The following TLL1 variants were observed in gnomAD, a reference collection of about 807,000 sequenced individuals.
The protein encoded by TLL1 is tolloid-like protein 1.
Under a neutral mutation model 128.2 loss-of-function variants are expected in TLL1, and 49 were observed. The observed-to-expected ratio is 0.38, with a 90% CI of 0.30 to 0.48. TLL1 has a LOEUF of 0.48. Ranked by LOEUF, TLL1 falls within the 20% of genes least tolerant of loss-of-function variation. TLL1 has a pLI of 0.96. For missense variants in TLL1, 1,123 were observed against 1,242.0 expected (o/e 0.90, Z 1.44); for synonymous variants, 454 against 418.8 (o/e 1.08, Z -1.03).
At chr4:166,000,664 A>G (rs1737106703) in intron 5 of TLL1, among the ~76,000 whole-genome samples, 1 of 152,182 alleles carries the variant, frequency 6.6e-6, no homozygotes, top group East Asian at 1.9e-4. Context: ...TTTCCTTACT[A>G]TTGACTTAAG....
At chr4:165,916,236 T>A (rs1732770321) in intron 1 of TLL1, among the ~76,000 whole-genome samples, 1 of 152,202 alleles carries the variant, frequency 6.6e-6, no homozygotes, top group South Asian at 2.1e-4. Context: ...TCTTACTTAT[T>A]TCTTATAAAG....
intron 8 of TLL1, among the ~76,000 whole-genome samples, chr4:166,017,299 T>C (rs1737993025): frequency 6.6e-6 from 1 of 152,122 alleles, no homozygotes; most frequent in Non-Finnish European, 1.5e-5. Context: ...TAGTATTTCA[T>C]GGTATGTATG....
chr4:166,094,535 G>A (rs1022369711), intron 19 of TLL1, among the ~76,000 whole-genome samples: 4 of 152,076 alleles, frequency 2.6e-5, no homozygotes, highest in African/African-American at 7.2e-5. Context: ...TAGGCAAAAC[G>A]GGCCATGGAT....
chr4:165,986,572 G>T (rs560463503), intron 1 of TLL1, among the ~76,000 whole-genome samples: 2 of 152,110 alleles, frequency 1.3e-5, no homozygotes, highest in East Asian at 3.9e-4. Flanking sequence ...GCAATTTATG[G>T]TGTATTCATC....
chr4:165,920,342 T>C (rs1472208808), intron 1 of TLL1, among the ~76,000 whole-genome samples: 4 of 152,242 alleles, frequency 2.6e-5, no homozygotes, highest in Non-Finnish European at 5.9e-5. Flanking sequence ...ACTTTGAGAA[T>C]AGTTTTAATT....
In TLL1 at chr4:166,001,758, G is replaced by A. The variant is rs78520313; in HGVS notation, c.633-1633G>A. On this transcript the variant is annotated intron_variant, in intron 5 of 20. Coordinates refer to ENST00000061240, the MANE Select transcript of TLL1 (RefSeq NM_012464.5). Reference sequence around the variant, plus strand: ...TTTGCAGTGGGCCGATTGTGCCACTGCACACCAGCCTGGGTGACAAAGCAA... The same window carrying A: ...TTTGCAGTGGGCCGATTGTGCCACTACACACCAGCCTGGGTGACAAAGCAA... Among the ~76,000 whole-genome samples the A allele has an allele frequency of 1.8e-3, 269 of 148,074 alleles. 3 individuals carry two copies. In the East Asian group the frequency reaches 0.05, roughly 27 times the overall value.
chr4:166,074,893 C>G lies in TLL1; in HGVS notation c.2204C>G (p.Ser735Cys). ...TCTTTGCTAGACAAAGATGAATGCTCTAAGGATAATGGTGGATGTCAGCAC... is the reference window on the plus strand; with the variant it reads ...TCTTTGCTAGACAAAGATGAATGCTGTAAGGATAATGGTGGATGTCAGCAC... ...AHFFSDKDEC[S>C]KDNGGCQHEC... is the part of the protein sequence containing the mutation. Residue 735 changes from serine to cysteine, a missense_variant, in exon 17 of 21, where the codon TCT becomes TGT. Around this residue, in one of 3 missense-constraint regions of TLL1, gnomAD observed 634 missense variants for 672.4 expected, o/e 0.94. Coordinates refer to ENST00000061240, the MANE Select transcript of TLL1 (RefSeq NM_012464.5). 1.2e-6 allele frequency: 2 copies of G among 1,613,412 alleles called. No individual in the cohort carries two copies. The highest frequency in any genetic ancestry group is 2.2e-5 in the East Asian group (1 of 44,780).
chr4:166,003,095 CATG>C (rs1442077202), intron 5 of TLL1, among the ~76,000 whole-genome samples: 1 of 152,034 alleles, frequency 6.6e-6, no homozygotes, highest in Non-Finnish European at 1.5e-5. Context: ...GTGTCATCAC[CATG>C]ATAATTAGTT....
chr4:166,074,966 A>G lies in TLL1; in HGVS notation c.2277A>G (p.Gly759=), dbSNP rs1255309664. ...MGSYMCQCRN[G]FVLHDNKHDC... ...GCTACATGTGTCAATGCCGTAATGGATTTGTGCTACATGACAATAAACATG... is the reference window on the plus strand; with the variant it reads ...GCTACATGTGTCAATGCCGTAATGGGTTTGTGCTACATGACAATAAACATG... The change falls in exon 17 of 21, where the codon GGA becomes GGG. Residue 759 remains glycine (G), a synonymous_variant. Transcript: ENST00000061240. 6.2e-7 allele frequency: 1 copy of G among 1,613,670 alleles called. No individual in the cohort carries two copies. Among genetic ancestry groups the G allele is most frequent in the South Asian group, 1.1e-5 (1 of 91,080 alleles).
At chr4:165,906,072 A>G (rs747149828) in intron 1 of TLL1, among the ~76,000 whole-genome samples, 2 of 152,188 alleles carry the variant, frequency 1.3e-5, no homozygotes, top group East Asian at 3.9e-4. Flanking sequence ...TAAAAGTTTC[A>G]TTAAAAAAAG....
intron 19 of TLL1, among the ~76,000 whole-genome samples, chr4:166,098,334 CAAAAA>C (rs3047106): frequency 0.019 from 2,045 of 110,354 alleles, 38 homozygotes; most frequent in African/African-American, 0.063. Context: ...GAGTTCTTCT[CAAAAA>C]AAAAAAAAAA....
In TLL1 at chr4:166,103,668, G is replaced by A. The variant is rs903061542; in HGVS notation, c.*2792G>A. On this transcript the variant is annotated 3_prime_UTR_variant, in exon 21 of 21. Transcript: ENST00000061240. ...TTATTTTTATATTAATTCAACATTT[G>A]CCTTAAGTGTGTTGTTAAATGAAAG... The A allele has an allele frequency of 6.6e-6, 1 of 151,588 alleles. No individual in the cohort carries two copies. The highest frequency in any genetic ancestry group is 2.4e-5 in the African/African-American group (1 of 41,344). 9.4% of individuals were successfully genotyped at this position (151,588 alleles called of 1,614,324 possible).
chr4:165,887,638 C>A (rs1291863328), intron 1 of TLL1, among the ~76,000 whole-genome samples: 1 of 151,976 alleles, frequency 6.6e-6, no homozygotes, highest in Non-Finnish European at 1.5e-5. Context: ...GTTTTTCAGG[C>A]GTATATTGGT....
At chr4:166,048,255 A>G (rs1739551955) in intron 12 of TLL1, among the ~76,000 whole-genome samples, 1 of 151,722 alleles carries the variant, frequency 6.6e-6, no homozygotes, top group East Asian at 1.9e-4. Context: ...AAAAAAAAAA[A>G]AAGGCCTAGG....
chr4:166,048,891 G>A lies in TLL1; in HGVS notation c.1524+5472G>A, dbSNP rs113624603. Among the ~76,000 whole-genome samples, 1,332 of 152,256 alleles carry A rather than the reference G, an allele frequency of 8.7e-3. 10 individuals are homozygous for A. Among genetic ancestry groups the A allele is most frequent in the Non-Finnish European group, 0.013 (877 of 68,012 alleles). On this transcript the variant is annotated intron_variant, in intron 12 of 20. Coordinates refer to ENST00000061240, the MANE Select transcript of TLL1 (RefSeq NM_012464.5). ...TAATACCGTTAACCACCACAGCTGC[G>A]AGCTGAAACATTCTAAACTATGTGC...
intron 5 of TLL1, among the ~76,000 whole-genome samples, chr4:166,001,183 A>C (rs1378275139): frequency 1.3e-5 from 2 of 152,184 alleles, no homozygotes; most frequent in East Asian, 3.9e-4. Context: ...TTAATATATC[A>C]GAAGAGGCGG....
At chr4:166,066,977 T>C (rs1740602686) in intron 16 of TLL1, among the ~76,000 whole-genome samples, 1 of 151,804 alleles carries the variant, frequency 6.6e-6, no homozygotes. Flanking sequence ...CATGGTTAGG[T>C]AGAGACAAGG....
chr4:165,955,956 A>G (rs1028758221), intron 1 of TLL1, among the ~76,000 whole-genome samples: 1 of 152,146 alleles, frequency 6.6e-6, no homozygotes, highest in African/African-American at 2.4e-5. Context: ...GTGACATCAC[A>G]TATCAGTAGG....
chr4:166,030,728 A>T (rs1738730181), intron 9 of TLL1: 1 of 1,175,754 alleles, frequency 8.5e-7, no homozygotes, highest in Non-Finnish European at 1.1e-6. Flanking sequence ...ACCATTTGTT[A>T]AAGATTTACT....
Sources: gnomAD v4.1 joint callset for allele counts (sites outside exome capture counted in the v4.1 genomes callset) on GRCh38, gnomAD v4.1.1 for gene constraint, gnomAD v4.1.1 regional missense constraint, MANE v1.5 for transcripts, NCBI Gene and HGNC (gene_info 2026-07-23, HGNC 2026-07-21) for gene names.